Variants in CAND2 observed in about 807,000 individuals in gnomAD.
CAND2 encodes cullin-associated NEDD8-dissociated protein 2.
A neutral mutation model predicts 98.9 loss-of-function variants in CAND2; 62 were observed. The ratio of observed to expected loss-of-function variants is 0.63; its 90% CI spans 0.51 to 0.77. The LOEUF is 0.77. CAND2 is among the 30% of genes least tolerant of loss of function. The pLI, the probability that CAND2 is intolerant of heterozygous loss-of-function variation, is 0.00. For synonymous variants in CAND2, 770 were observed against 731.9 expected (o/e 1.05, Z -0.84); for missense variants, 1,501 against 1,655.2 (o/e 0.91, Z 1.62).
intron 11 of CAND2, among the ~76,000 whole-genome samples, chr3:12,824,944 T>C (rs2061987614): frequency 6.6e-6 from 1 of 152,066 alleles, no homozygotes; most frequent in African/African-American, 2.4e-5. Context: ...CATGGCACTG[T>C]ACAAAAAGGA....
At chr3:12,811,529 T>G (rs564828801) in intron 5 of CAND2, among the ~76,000 whole-genome samples, 1 of 152,338 alleles carries the variant, frequency 6.6e-6, no homozygotes, top group South Asian at 2.1e-4. Flanking sequence ...TGATAACAGA[T>G]GCTATTTATC....
rs1359372020 is a variant in CAND2, at chr3:12,813,357, G to A, written c.975G>A (p.Met325Ile). ...NYDSDEDEEQ[M>I]ETEDSEFSEQ... is the part of the protein sequence containing the mutation. ...ACAGTGATGAGGATGAGGAGCAGAT[G>A]GAGACAGAGGATAGTGAATTCAGTG... Residue 325 changes from methionine (M) to isoleucine (I), a missense_variant, in exon 7 of 15, where the codon ATG (methionine) becomes ATA (isoleucine). Physicochemically the swap from Met to Ile is conservative, Grantham distance 10. Around this residue, in one of 3 missense-constraint regions of CAND2, gnomAD observed 1,427 missense variants for 1,545.3 expected, o/e 0.92. Coordinates refer to ENST00000456430, the MANE Select transcript of CAND2 (RefSeq NM_001162499.2). The A allele has an allele frequency of 1.5e-5, 25 of 1,613,988 alleles. No individual in the cohort carries two copies. Among genetic ancestry groups the A allele is most frequent in the Non-Finnish European group, 2.1e-5 (25 of 1,180,020 alleles).
Position 12,817,501 on chromosome 3 carries a change from G to C in CAND2, c.2569G>C (p.Gly857Arg), listed in dbSNP as rs1559554488. 6.2e-7 allele frequency: 1 copy of C among 1,613,620 alleles called. No individual in the cohort carries two copies. Among genetic ancestry groups the C allele is most frequent in the East Asian group, 2.2e-5 (1 of 44,882 alleles). The change falls in exon 10 of 15, where the codon GGC becomes CGC. Residue 857 changes from glycine to arginine, a missense_variant. Gly to Arg is a moderately radical substitution (Grantham distance 125). Coordinates refer to ENST00000456430, the MANE Select transcript of CAND2 (RefSeq NM_001162499.2). ...LAEVGQVAGP[G>R]HQRELKAVLL... is the part of the protein sequence containing the mutation. ...TGAGGTGGGTCAGGTGGCTGGGCCA[G>C]GCCACCAGCGGGAGCTGAAGGCGGT...
chr3:12,825,090 C>T (rs1401893075), intron 11 of CAND2, among the ~76,000 whole-genome samples: 1 of 151,682 alleles, frequency 6.6e-6, no homozygotes, highest in East Asian at 1.9e-4. Flanking sequence ...GCTTTTAATG[C>T]ATTACCACAT....
intron 13 of CAND2, among the ~76,000 whole-genome samples, chr3:12,829,439 GCCCGGC>G (rs546229034): frequency 1.3e-5 from 2 of 152,322 alleles, no homozygotes; most frequent in South Asian, 4.1e-4. Flanking sequence ...GAGCCACCAC[GCCCGGC>G]CCCATATTAC....
At chr3:12,826,050 G>GC (rs2124869388) in intron 12 of CAND2, among the ~76,000 whole-genome samples, 1 of 152,254 alleles carries the variant, frequency 6.6e-6, no homozygotes, top group African/African-American at 2.4e-5. Flanking sequence ...GTTCATCGTG[G>GC]CCCCCTAAAG....
chr3:12,808,448 A>G, intron 4 of CAND2, 115 bp downstream of exon 4: 1 of 1,171,268 alleles, frequency 8.5e-7, no homozygotes. Context: ...GGGCTCCTTA[A>G]TCATCCCAGC....
At chr3:12,833,569 C>T (rs752354740) in intron 14 of CAND2, among the ~76,000 whole-genome samples, 186 bp from the exon 15 acceptor site, 2 of 152,118 alleles carry the variant, frequency 1.3e-5, no homozygotes, top group Non-Finnish European at 2.9e-5. Flanking sequence ...GGGAAACTAG[C>T]CAGTGCAAAA....
In CAND2 at chr3:12,807,432, C is replaced by G; in HGVS notation, c.339C>G (p.Val113=). 1 of 1,551,638 alleles carries G rather than the reference C, an allele frequency of 6.4e-7. No homozygotes were observed. The highest frequency in any genetic ancestry group is 2.4e-5 in the East Asian group (1 of 40,918). ...RDIAGIGLKT[V]LSELPPAATG... ...TTGCCGGCATTGGCCTCAAGACCGT[C>G]CTCTCGGAGCTCCCTCCTGCAGCCA... Residue 113 remains valine (V), a synonymous_variant, in exon 3 of 15, where the codon GTC becomes GTG. Transcript: ENST00000456430.
chr3:12,813,695 T>C (rs950166186), intron 7 of CAND2, among the ~76,000 whole-genome samples: 7 of 152,240 alleles, frequency 4.6e-5, no homozygotes, highest in East Asian at 1.9e-4. Context: ...CAACTAGGAA[T>C]TGGCATAGCT....
chr3:12,816,679 C>T lies in CAND2; in HGVS notation c.1747C>T (p.Leu583=), dbSNP rs751901449. The T allele has an allele frequency of 1.9e-5, 31 of 1,613,680 alleles. No individual in the cohort carries two copies. In the Middle Eastern group the frequency reaches 9.9e-4, roughly 51 times the overall value. The change falls in exon 10 of 15, where the codon CTG becomes TTG. Residue 583 remains leucine, a synonymous_variant. Transcript: ENST00000456430. The part of the protein sequence containing the change: ...VTLARLRATD[L]DQEVKERAIS... ...CCTGGCGCGACTTCGTGCCACTGAC[C>T]TGGACCAGGAGGTGAAGGAGCGGGC... is the stretch of plus-strand genomic sequence containing the variant.
chr3:12,807,157 T>C, intron 2 of CAND2, 149 bp from the exon 3 acceptor site: 1 of 648,268 alleles, frequency 1.5e-6, no homozygotes, highest in Non-Finnish European at 2.6e-6. Context: ...CCAGAGAGTA[T>C]CTCTTTCTGG....
intron 13 of CAND2, among the ~76,000 whole-genome samples, chr3:12,830,711 C>A (rs1043433202): frequency 2.6e-5 from 4 of 152,202 alleles, no homozygotes; most frequent in African/African-American, 9.7e-5. Flanking sequence ...AGGGAGTGAA[C>A]ACCGCCCAGT....
At chr3:12,802,787 T>C (rs1293861556) in intron 1 of CAND2, among the ~76,000 whole-genome samples, 2 of 152,296 alleles carry the variant, frequency 1.3e-5, no homozygotes, top group African/African-American at 2.4e-5. Context: ...AGAGTGTGCC[T>C]ACACAACCTA....
chr3:12,810,137 G>T lies in CAND2; in HGVS notation c.570G>T (p.Ala190=). The change falls in exon 5 of 15, where the codon GCG becomes GCT. Residue 190 remains alanine, a synonymous_variant. Coordinates refer to ENST00000456430, the MANE Select transcript of CAND2 (RefSeq NM_001162499.2). ...LLPQLSSPRL[A]VRKRAVGALG... ...CACAGCTGAGCAGCCCGCGCCTGGC[G>T]GTGCGCAAGCGGGCGGTCGGAGCGC... 1.3e-6 allele frequency: 2 copies of T among 1,523,042 alleles called. No individual in the cohort carries two copies. Among genetic ancestry groups the T allele is most frequent in the Non-Finnish European group, 1.8e-6 (2 of 1,140,758 alleles). The allele number at this position is 1,523,042 out of a possible 1,614,324, so 94.3% of individuals were successfully genotyped here.
At position 12,813,195 on chromosome 3, in the gene CAND2, C is replaced by T. The variant is rs372019865; in HGVS notation, c.864-51C>T. ...AGGACTCCCATTGGGCCCTGTCCCC[C>T]ACTCCTGTCCTGGCTGGATCCAGCA... On this transcript the variant is annotated intron_variant, in intron 6 of 14. Transcript: ENST00000456430. 1.4e-5 allele frequency: 22 copies of T among 1,604,310 alleles called. 1 individual carries two copies. The South Asian group carries it at 2.2e-4, about 16-fold the overall frequency.
Position 12,827,465 on chromosome 3 carries a change from C to T in CAND2, c.3236C>T (p.Thr1079Ile). Residue 1079 changes from threonine (T) to isoleucine (I), a missense_variant, in exon 13 of 15, where the codon ACA becomes ATA. Coordinates refer to ENST00000456430, the MANE Select transcript of CAND2 (RefSeq NM_001162499.2). The part of the protein sequence containing the change: ...REVEMGPFKH[T>I]VDDGLDVRKA... ...GTGGAGATGGGGCCCTTTAAACATACAGTGGACGATGGGCTGGACGTGCGG... is the reference window on the plus strand; with the variant it reads ...GTGGAGATGGGGCCCTTTAAACATATAGTGGACGATGGGCTGGACGTGCGG... The T allele has an allele frequency of 6.2e-7, 1 of 1,613,918 alleles. No individual in the cohort carries two copies. The highest frequency in any genetic ancestry group is 1.3e-5 in the African/African-American group (1 of 75,034).
chr3:12,805,308 A>G (rs4034944), intron 2 of CAND2, among the ~76,000 whole-genome samples: 102,243 of 147,888 alleles, frequency 0.69, 37,585 homozygotes, highest in African/African-American at 0.92. Context: ...TTTTTTTTGA[A>G]ACAGAGTCTC....
At chr3:12,806,808 G>A (rs796126483) in intron 2 of CAND2, among the ~76,000 whole-genome samples, 3 of 152,312 alleles carry the variant, frequency 2.0e-5, no homozygotes, top group African/African-American at 4.8e-5. Context: ...ACAAGCTCCC[G>A]AGTGGCATTG....
Sources: allele counts gnomAD v4.1 joint callset (sites outside exome capture counted in the v4.1 genomes callset), GRCh38; gene constraint gnomAD v4.1.1; regional missense constraint gnomAD v4.1.1; transcripts MANE v1.5; gene names NCBI Gene and HGNC (gene_info 2026-07-23, HGNC 2026-07-21).